Variants in LDB2 observed in about 807,000 individuals in gnomAD.
LDB2 encodes LIM domain-binding protein 2.
Under a neutral mutation model 44.3 loss-of-function variants are expected in LDB2, and 12 were observed. The observed-to-expected ratio is 0.27, with a 90% CI of 0.17 to 0.44. The LOEUF (loss-of-function observed/expected upper bound fraction) is 0.44. LDB2 is among the 20% of genes least tolerant of loss of function. The probability of loss-of-function intolerance (pLI) is 1.00; values close to 1 mark genes in which losing one functional copy is unlikely to be tolerated. For missense variants in LDB2, 344 were observed against 473.5 expected, an observed-to-expected ratio of 0.73 and a Z score of 2.54; for synonymous variants, 164 against 174.8, an observed-to-expected ratio of 0.94 and a Z score of 0.49.
At chr4:16,517,613 AAAGGG>A (rs955409380) in intron 5 of LDB2, among the ~76,000 whole-genome samples, 1 of 152,132 alleles carries the variant, frequency 6.6e-6, no homozygotes, top group African/African-American at 2.4e-5. Flanking sequence ...GACGCTGTGG[AAAGGG>A]AAGGGATCAG....
intron 2 of LDB2, among the ~76,000 whole-genome samples, chr4:16,608,793 G>C (rs867999900): frequency 6.6e-6 from 1 of 152,180 alleles, no homozygotes; most frequent in South Asian, 2.1e-4. Flanking sequence ...CAGGACGAGA[G>C]GAGGGCTTCT....
At chr4:16,558,213 T>C (rs1476039210) in intron 5 of LDB2, among the ~76,000 whole-genome samples, 1 of 152,178 alleles carries the variant, frequency 6.6e-6, no homozygotes. Flanking sequence ...GGATGGAGAA[T>C]GACTTTGACG....
chr4:16,671,710 C>T (rs1353512366), intron 2 of LDB2, among the ~76,000 whole-genome samples: 1 of 151,956 alleles, frequency 6.6e-6, no homozygotes, highest in East Asian at 1.9e-4. Flanking sequence ...TGGGCTGGGT[C>T]CATGCCATTG....
chr4:16,643,867 CAG>C (rs1735909435), intron 2 of LDB2, among the ~76,000 whole-genome samples: 1 of 152,196 alleles, frequency 6.6e-6, no homozygotes, highest in East Asian at 1.9e-4. Context: ...TTTTTTCTTA[CAG>C]AGTCTTGAGA....
chr4:16,836,368 G>C (rs1161294895), intron 1 of LDB2, among the ~76,000 whole-genome samples: 1 of 152,192 alleles, frequency 6.6e-6, no homozygotes, highest in African/African-American at 2.4e-5. Context: ...TTCTGAGGAT[G>C]GCTGGATTTG....
chr4:16,741,980 G>A (rs1366594562), intron 2 of LDB2, among the ~76,000 whole-genome samples: 1 of 151,974 alleles, frequency 6.6e-6, no homozygotes, highest in Non-Finnish European at 1.5e-5. Flanking sequence ...AACACAGCAG[G>A]AACATGGTAT....
chr4:16,740,059 A>G (rs1286269460), intron 2 of LDB2, among the ~76,000 whole-genome samples: 3 of 152,068 alleles, frequency 2.0e-5, no homozygotes, highest in African/African-American at 7.2e-5. Flanking sequence ...AAGGAATCAT[A>G]CAATCACATG....
chr4:16,711,565 T>C (rs1172839368), intron 2 of LDB2, among the ~76,000 whole-genome samples: 2 of 152,230 alleles, frequency 1.3e-5, no homozygotes, highest in Non-Finnish European at 2.9e-5. Flanking sequence ...ATCTGGGTTT[T>C]AACAAGGTCT....
chr4:16,546,857 A>G (rs1455818195), intron 5 of LDB2, among the ~76,000 whole-genome samples: 1 of 152,060 alleles, frequency 6.6e-6, no homozygotes, highest in East Asian at 1.9e-4. Flanking sequence ...GCCTCCTCCC[A>G]GGGTTCTTTA....
At chr4:16,655,622 G>T (rs1056938481) in intron 2 of LDB2, among the ~76,000 whole-genome samples, 6 of 152,106 alleles carry the variant, frequency 3.9e-5, no homozygotes, top group African/African-American at 1.4e-4. Flanking sequence ...CTGTTTGATG[G>T]AGTGCAACAG....
chr4:16,802,959 A>T (rs75277349), intron 1 of LDB2, among the ~76,000 whole-genome samples: 1 of 152,162 alleles, frequency 6.6e-6, no homozygotes, highest in African/African-American at 2.4e-5. Context: ...CAGGACATTC[A>T]GGGGGCTGTC....
chr4:16,625,936 G>A (rs1373703074), intron 2 of LDB2, among the ~76,000 whole-genome samples: 1 of 152,040 alleles, frequency 6.6e-6, no homozygotes, highest in Non-Finnish European at 1.5e-5. Context: ...GGACCATCCT[G>A]TCCAACACTG....
Position 16,588,796 on chromosome 4 carries a change from A to C in LDB2, c.445T>G (p.Phe149Val). ...GTTTTGATTCTCATGAGATCATCAA[A>C]GGTGAACTCCAAGATCAGTCTGCCT... ...TEGRLILEFTFDDLMRIKTWH... is the reference protein window; with the variant it reads ...TEGRLILEFTVDDLMRIKTWH... The change falls in exon 4 of 8, where the codon TTT (phenylalanine) becomes GTT (valine). Residue 149 changes from phenylalanine to valine, a missense_variant. Physicochemically the swap from Phe to Val is conservative, Grantham distance 50 (BLOSUM62 -1). Transcript: ENST00000304523. The C allele has an allele frequency of 6.2e-7, 1 of 1,613,878 alleles. No individual in the cohort carries two copies. Among genetic ancestry groups the C allele is most frequent in the Non-Finnish European group, 8.5e-7 (1 of 1,179,724 alleles).
intron 1 of LDB2, among the ~76,000 whole-genome samples, chr4:16,816,407 C>CT (rs1171864969): frequency 0.17 from 19,959 of 120,846 alleles, 2,044 homozygotes; most frequent in Non-Finnish European, 0.21. Context: ...CTTTTTCTTT[C>CT]TTTTTTTTTT....
At chr4:16,549,774 A>G (rs1736996188) in intron 5 of LDB2, among the ~76,000 whole-genome samples, 1 of 152,236 alleles carries the variant, frequency 6.6e-6, no homozygotes, top group African/African-American at 2.4e-5. Flanking sequence ...CTCAGATCAG[A>G]AGTACGAATA....
At chr4:16,572,184 C>T (rs1746779667) in intron 5 of LDB2, among the ~76,000 whole-genome samples, 1 of 152,168 alleles carries the variant, frequency 6.6e-6, no homozygotes, top group East Asian at 1.9e-4. Context: ...ATTCAAACAA[C>T]TCCCTTCATG....
At chr4:16,595,988 C>A (rs1720796782) in intron 2 of LDB2, 113 bp from the exon 3 acceptor site, 2 of 1,097,530 alleles carry the variant, frequency 1.8e-6, no homozygotes, top group Non-Finnish European at 2.5e-6. Context: ...CTCAAGAAAC[C>A]ATACCAGGAG....
At chr4:16,532,750 T>A (rs978657828) in intron 5 of LDB2, among the ~76,000 whole-genome samples, 1 of 152,222 alleles carries the variant, frequency 6.6e-6, no homozygotes, top group Admixed American at 6.5e-5. Context: ...ACCATTATGG[T>A]TCCCCAAACC....
intron 1 of LDB2, among the ~76,000 whole-genome samples, chr4:16,764,231 A>G (rs764494390): frequency 2.6e-5 from 4 of 152,048 alleles, no homozygotes; most frequent in African/African-American, 4.8e-5. Flanking sequence ...TCCCCCTCCA[A>G]CCTTTCGGAG....
Sources: gnomAD v4.1 joint callset for allele counts (sites outside exome capture counted in the v4.1 genomes callset) on GRCh38, gnomAD v4.1.1 for gene constraint, MANE v1.5 for transcripts, NCBI Gene and HGNC (gene_info 2026-07-23, HGNC 2026-07-21) for gene names.